Variants in DMD observed in about 807,000 individuals in gnomAD.
DMD encodes mutant dystrophin.
A neutral mutation model predicts 330.1 loss-of-function variants in DMD; 63 were observed. That is an observed-to-expected ratio of 0.19 (90% CI 0.16 to 0.24). The LOEUF is 0.24. Among genes scored for constraint, DMD ranks in the 10% least tolerant of loss-of-function variants. The pLI is 1.00. For synonymous variants in DMD, 1,223 were observed against 959.8 expected (o/e 1.27, Z -5.07); for missense variants, 3,344 against 2,684.1 (o/e 1.25, Z -5.43).
At chrX:31,391,391 G>A (rs943740444) in intron 60 of DMD, among the ~76,000 whole-genome samples, 52 of 110,893 alleles carry the variant, frequency 4.7e-4, no homozygotes, top group African/African-American at 1.7e-3. Flanking sequence ...ACAGGCATGA[G>A]CCACTGCGCC....
intron 44 of DMD, among the ~76,000 whole-genome samples, chrX:32,074,836 G>A (rs1214802483): frequency 1.9e-5 from 2 of 107,660 alleles, no homozygotes; most frequent in Non-Finnish European, 3.8e-5. Flanking sequence ...AGTTACGGAA[G>A]TGGAAGGGGA....
chrX:31,475,563 A>G (rs1468597820), intron 59 of DMD, among the ~76,000 whole-genome samples: 2 of 111,816 alleles, frequency 1.8e-5, no homozygotes, highest in Admixed American at 9.5e-5. Flanking sequence ...CATTTTCCTA[A>G]CTTATTTCTC....
chrX:31,264,648 C>G (rs989823004), intron 62 of DMD, among the ~76,000 whole-genome samples: 2 of 111,810 alleles, frequency 1.8e-5, no homozygotes, highest in African/African-American at 6.5e-5. Flanking sequence ...TAATCTTTTT[C>G]CCTTTTATTT....
Position 31,593,168 on chromosome X carries a change from A to C in DMD, c.8217+34505T>G, listed in dbSNP as rs1339416408. ...GTCAATTTGTAAACCGCATATAGAA[A>C]ATCTAAAAGTGGAAATTTTTATTGC... On this transcript the variant is annotated intron_variant, in intron 55 of 78. Coordinates refer to ENST00000357033, the MANE Select transcript of DMD (RefSeq NM_004006.3). Among the ~76,000 whole-genome samples the C allele has an allele frequency of 3.6e-5, 4 of 111,529 alleles. No homozygotes were observed. The East Asian group carries it at 1.1e-3, about 31-fold the overall frequency.
At chrX:32,905,197 G>A (rs1220135600) in intron 2 of DMD, among the ~76,000 whole-genome samples, 2 of 111,564 alleles carry the variant, frequency 1.8e-5, no homozygotes, top group East Asian at 2.8e-4. Flanking sequence ...AACTACATTA[G>A]GAACCCTATG....
chrX:31,837,932 T>A (rs1351338572), intron 48 of DMD, among the ~76,000 whole-genome samples: 1 of 112,444 alleles, frequency 8.9e-6, no homozygotes. Flanking sequence ...TTGGTCAAAA[T>A]TGTACATAAC....
At chrX:33,220,187 G>T (rs2052147167) in intron 1 of DMD, among the ~76,000 whole-genome samples, 1 of 111,320 alleles carries the variant, frequency 9.0e-6, no homozygotes, top group Non-Finnish European at 1.9e-5. Flanking sequence ...AAGAGGCGTT[G>T]GTGATACAAA....
At chrX:31,642,724 G>T (rs1042771222) in intron 54 of DMD, among the ~76,000 whole-genome samples, 5 of 111,109 alleles carry the variant, frequency 4.5e-5, no homozygotes, top group African/African-American at 1.3e-4. Flanking sequence ...TGCTCTATCA[G>T]TTTTGTGAGC....
chrX:31,724,669 C>G (rs771351912), intron 52 of DMD, among the ~76,000 whole-genome samples: 7 of 111,995 alleles, frequency 6.3e-5, no homozygotes, highest in Non-Finnish European at 1.1e-4. Flanking sequence ...TTCATATTCT[C>G]CCATCTCCAG....
In DMD at chrX:31,836,665, G is replaced by C. The variant is rs1379871; in HGVS notation, c.7200+53C>G. On this transcript the variant is annotated intron_variant, in intron 49 of 78. Coordinates refer to ENST00000357033, the MANE Select transcript of DMD (RefSeq NM_004006.3). ...ACGTCAATGGCAAATGTACAACAGG[G>C]GAAGCATAACCCATTATGAGGTAAT... The C allele has an allele frequency of 0.38, 372,424 of 980,776 alleles. 52,413 individuals carry two copies. Among genetic ancestry groups the C allele is most frequent in the East Asian group, 0.69 (22,538 of 32,680 alleles). 80.8% of individuals were successfully genotyped at this position (980,776 alleles called of 1,213,427 possible). A position where few individuals can be genotyped will look rare whatever the true frequency, so the allele number is the denominator to read the frequency against.
chrX:31,625,069 G>A (rs1408327340), intron 55 of DMD, among the ~76,000 whole-genome samples: 1 of 111,871 alleles, frequency 8.9e-6, no homozygotes, highest in East Asian at 2.8e-4. Flanking sequence ...ACATCTCCGA[G>A]TCTTTCATCA....
chrX:33,057,550 G>A (rs2094532546), intron 1 of DMD, among the ~76,000 whole-genome samples: 1 of 111,959 alleles, frequency 8.9e-6, no homozygotes, highest in Admixed American at 9.5e-5. Flanking sequence ...TAGAAAACTA[G>A]GTGAAATAAA....
intron 60 of DMD, among the ~76,000 whole-genome samples, chrX:31,410,935 T>G (rs1318270465): frequency 2.0e-5 from 2 of 98,775 alleles, no homozygotes; most frequent in African/African-American, 7.5e-5. Context: ...TTTTTTTTTT[T>G]TTTTTTTTTC....
intron 43 of DMD, among the ~76,000 whole-genome samples, chrX:32,260,460 A>T (rs2097317262): frequency 9.0e-6 from 1 of 111,480 alleles, no homozygotes; most frequent in Non-Finnish European, 1.9e-5. Flanking sequence ...CTTGGATGAA[A>T]TTACTCTTCC....
rs778738919 is a variant in DMD, at chrX:32,666,739, G to C, written c.961-21587C>G. ...ATCTACTTGGGAGGCTGAGGAAGTA[G>C]AATCGTTGAACCTGGGAGGCAGGGG... On this transcript the variant is annotated intron_variant, in intron 9 of 78. Transcript: ENST00000357033. Among the ~76,000 whole-genome samples the C allele has an allele frequency of 3.7e-5, 4 of 108,059 alleles. No individual in the cohort carries two copies. In the South Asian group the frequency reaches 1.3e-3, roughly 34 times the overall value. 93.8% of individuals were successfully genotyped at this position (108,059 alleles called of 115,157 possible). A position where few individuals can be genotyped will look rare whatever the true frequency, so the allele number is the denominator to read the frequency against.
chrX:31,746,861 C>T (rs1180183241), intron 51 of DMD, among the ~76,000 whole-genome samples: 1 of 110,667 alleles, frequency 9.0e-6, no homozygotes, highest in Admixed American at 9.7e-5. Flanking sequence ...AATATATATC[C>T]TAAATTTGCA....
At chrX:32,142,860 A>C (rs1039404204) in intron 44 of DMD, among the ~76,000 whole-genome samples, 8 of 111,930 alleles carry the variant, frequency 7.1e-5, no homozygotes, top group African/African-American at 1.9e-4. Context: ...TAATTGAAGA[A>C]ATTACTGTCC....
intron 1 of DMD, among the ~76,000 whole-genome samples, chrX:33,025,506 C>G (rs1370167767): frequency 9.0e-6 from 1 of 110,777 alleles, no homozygotes; most frequent in Non-Finnish European, 1.9e-5. Context: ...TCTATAAACA[C>G]TAACAATTAT....
At chrX:32,912,921 A>G (rs1329243782) in intron 2 of DMD, among the ~76,000 whole-genome samples, 1 of 112,416 alleles carries the variant, frequency 8.9e-6, no homozygotes, top group Non-Finnish European at 1.9e-5. Context: ...TTCTTATGTA[A>G]TAAGATATTT....
Sources: allele counts gnomAD v4.1 joint callset (sites outside exome capture counted in the v4.1 genomes callset), GRCh38; gene constraint gnomAD v4.1.1; transcripts MANE v1.5; gene names NCBI Gene and HGNC (gene_info 2026-07-23, HGNC 2026-07-21).